DLGAP2: variants seen among roughly 807,000 people sequenced by gnomAD.
The protein encoded by DLGAP2 is disks large-associated protein 2.
DLGAP2 carries 26 observed loss-of-function variants against 100.3 expected under a neutral mutation model. The ratio of observed to expected loss-of-function variants is 0.26; its 90% CI spans 0.19 to 0.36. The LOEUF (loss-of-function observed/expected upper bound fraction) is 0.36. Among genes scored for constraint, DLGAP2 ranks in the 10% least tolerant of loss-of-function variants. DLGAP2 has a pLI of 1.00. For missense variants in DLGAP2, 1,858 were observed against 1,453.2 expected, an observed-to-expected ratio of 1.28 and a Z score of -4.53; for synonymous variants, 886 against 630.1, an observed-to-expected ratio of 1.41 and a Z score of -6.08.
intron 6 of DLGAP2, among the ~76,000 whole-genome samples, chr8:1,597,542 C>T (rs896924223): frequency 1.3e-5 from 2 of 152,072 alleles, no homozygotes; most frequent in Middle Eastern, 3.4e-3. Flanking sequence ...CTCTTATTTC[C>T]TTGAGTGGTG....
intron 2 of DLGAP2, among the ~76,000 whole-genome samples, chr8:921,295 G>A (rs1242164863): frequency 2.0e-5 from 3 of 152,154 alleles, no homozygotes; most frequent in East Asian, 1.9e-4. Flanking sequence ...GGTCAGACCC[G>A]TCCTCCCTGT....
intron 1 of DLGAP2, among the ~76,000 whole-genome samples, chr8:763,151 C>G (rs1464496912): frequency 6.6e-6 from 1 of 152,040 alleles, no homozygotes; most frequent in Non-Finnish European, 1.5e-5. Flanking sequence ...CGAAGCTGAG[C>G]CCAGGCTGAC....
intron 2 of DLGAP2, among the ~76,000 whole-genome samples, chr8:1,164,234 C>G (rs55907822): frequency 1.2e-5 from 1 of 83,412 alleles, no homozygotes; most frequent in African/African-American, 5.2e-5. Flanking sequence ...TTTGTGGGGA[C>G]AGATTTTTCT....
At chr8:1,278,459 A>G (rs1219386401) in intron 3 of DLGAP2, among the ~76,000 whole-genome samples, 4 of 152,206 alleles carry the variant, frequency 2.6e-5, no homozygotes, top group Admixed American at 6.5e-5. Context: ...ATGAATTCCA[A>G]TACAATTAAA....
intron 6 of DLGAP2, among the ~76,000 whole-genome samples, chr8:1,607,748 G>A (rs1204415155): frequency 6.6e-6 from 1 of 152,240 alleles, no homozygotes; most frequent in Non-Finnish European, 1.5e-5. Context: ...GGGTCAGGGA[G>A]TTCCCTTTCT....
intron 2 of DLGAP2, among the ~76,000 whole-genome samples, chr8:919,067 A>G (rs892369932): frequency 1.2e-4 from 19 of 152,284 alleles, no homozygotes; most frequent in South Asian, 4.1e-4. Flanking sequence ...TGGCCTCCCA[A>G]AGTGCATGGA....
At chr8:1,473,013 C>T (rs2130209138) in intron 3 of DLGAP2, among the ~76,000 whole-genome samples, 1 of 152,268 alleles carries the variant, frequency 6.6e-6, no homozygotes, top group South Asian at 2.1e-4. Flanking sequence ...TCACTGCAAC[C>T]TCCGCCTCCC....
chr8:1,558,406 A>G (rs558679282), intron 5 of DLGAP2, among the ~76,000 whole-genome samples: 22 of 152,296 alleles, frequency 1.4e-4, no homozygotes, highest in African/African-American at 5.1e-4. Flanking sequence ...GGACACACCT[A>G]TGGGTCAGGA....
intron 2 of DLGAP2, among the ~76,000 whole-genome samples, chr8:1,188,934 C>A (rs1797574446): frequency 6.6e-6 from 1 of 152,062 alleles, no homozygotes; most frequent in African/African-American, 2.4e-5. Context: ...GGTGCGGCTT[C>A]CAGGCCGGTT....
Position 1,678,592 on chromosome 8 carries a change from G to A in DLGAP2, c.2667G>A (p.Met889Ile). Reference protein sequence around the residue: ...TKRMEGWCKEMEREAEENDLS... With the variant: ...TKRMEGWCKEIEREAEENDLS... ...GGATGGAAGGCTGGTGCAAAGAGAT[G>A]GAGAGAGAGGCGGAGGAGAACGACC... Residue 889 changes from methionine to isoleucine, a missense_variant, in exon 12 of 15, where the codon ATG (methionine) becomes ATA (isoleucine). Met to Ile is a conservative substitution (Grantham distance 10). Coordinates refer to ENST00000637795, the MANE Select transcript of DLGAP2 (RefSeq NM_001346810.2). 6.4e-7 allele frequency: 1 copy of A among 1,574,598 alleles called. No individual in the cohort carries two copies. The highest frequency in any genetic ancestry group is 8.6e-7 in the Non-Finnish European group (1 of 1,159,980).
At chr8:874,967 C>T (rs1287011867) in intron 1 of DLGAP2, among the ~76,000 whole-genome samples, 9 of 152,168 alleles carry the variant, frequency 5.9e-5, no homozygotes, top group African/African-American at 9.7e-5. Context: ...ATTGTTATTG[C>T]TCCTGATGGG....
chr8:1,189,222 C>T (rs981687064), intron 2 of DLGAP2, among the ~76,000 whole-genome samples: 6 of 145,634 alleles, frequency 4.1e-5, no homozygotes, highest in Admixed American at 2.7e-4. Context: ...GGCCCCAGGC[C>T]GGTTCCGCGG....
At chr8:1,554,342 G>T (rs778931566) in intron 5 of DLGAP2, among the ~76,000 whole-genome samples, 9 of 152,182 alleles carry the variant, frequency 5.9e-5, no homozygotes, top group Non-Finnish European at 1.3e-4. Flanking sequence ...GTTTGTCATG[G>T]AATGCACGAT....
rs1802060988 is a variant in DLGAP2 at position 1,558,793 on chromosome 8, AC to A, written c.1231-6889del. Among the ~76,000 whole-genome samples, 4 of 150,800 alleles carry A rather than the reference AC, an allele frequency of 2.7e-5. No individual in the cohort carries two copies. The South Asian group carries it at 8.5e-4, about 32-fold the overall frequency. On this transcript the variant is annotated intron_variant, in intron 5 of 14. Transcript: ENST00000637795. Reference sequence around the variant, plus strand: ...GCACACATACACATATACGCACATTACACATACACACATAAACACACATACG... The same window carrying A: ...GCACACATACACATATACGCACATTAACATACACACATAAACACACATACG...
chr8:1,392,491 A>G (rs1289965963), intron 3 of DLGAP2, among the ~76,000 whole-genome samples: 3 of 152,230 alleles, frequency 2.0e-5, no homozygotes, highest in South Asian at 2.1e-4. Flanking sequence ...TCTAAGTGCC[A>G]TTGTCCTGCT....
chr8:880,476 A>G (rs377510878), intron 1 of DLGAP2, among the ~76,000 whole-genome samples: 2 of 151,724 alleles, frequency 1.3e-5, no homozygotes, highest in Non-Finnish European at 2.9e-5. Context: ...GCGACATGGC[A>G]TCCGTGCTGG....
At chr8:1,076,931 G>A (rs1159692867) in intron 2 of DLGAP2, among the ~76,000 whole-genome samples, 1 of 144,326 alleles carries the variant, frequency 6.9e-6, no homozygotes, top group African/African-American at 2.6e-5. Context: ...AGGAGGAGGA[G>A]GAGTCTGTCC....
At chr8:1,263,725 AT>A (rs1799396836) in intron 3 of DLGAP2, among the ~76,000 whole-genome samples, 1 of 152,136 alleles carries the variant, frequency 6.6e-6, no homozygotes, top group Non-Finnish European at 1.5e-5. Flanking sequence ...TTGAAATTGC[AT>A]ATTGAAGAGC....
intron 3 of DLGAP2, among the ~76,000 whole-genome samples, chr8:1,373,313 A>G (rs1056227137): frequency 6.6e-6 from 1 of 151,792 alleles, no homozygotes; most frequent in Non-Finnish European, 1.5e-5. Flanking sequence ...CGCGGGCGGC[A>G]GCTGACGGGC....
Sources: gnomAD v4.1 joint callset for allele counts (sites outside exome capture counted in the v4.1 genomes callset) on GRCh38, gnomAD v4.1.1 for gene constraint, MANE v1.5 for transcripts, NCBI Gene and HGNC (gene_info 2026-07-23, HGNC 2026-07-21) for gene names.